Variants in FLNB observed in about 807,000 individuals in gnomAD.
FLNB encodes the protein filamin-B.
FLNB carries 111 observed loss-of-function variants against 250.6 expected under a neutral mutation model. The observed-to-expected ratio is 0.44, with a 90% CI of 0.38 to 0.52. The LOEUF is 0.52. Ranked by LOEUF, FLNB falls within the 20% of genes least tolerant of loss-of-function variation. FLNB has a pLI of 0.00. For synonymous variants in FLNB, 1,302 were observed against 1,372.1 expected (o/e 0.95, Z 1.13); for missense variants, 2,869 against 3,447.8 (o/e 0.83, Z 4.20).
At chr3:58,089,185 C>A (rs966457045) in intron 4 of FLNB, among the ~76,000 whole-genome samples, 1 of 151,814 alleles carries the variant, frequency 6.6e-6, no homozygotes, top group Non-Finnish European at 1.5e-5. Flanking sequence ...TTGATGCCAA[C>A]ACTGAGGTGA....
In FLNB at chr3:58,008,761, A is replaced by G. The variant is rs763897198; in HGVS notation, c.197A>G (p.Tyr66Cys). 1 of 1,614,070 alleles carries G rather than the reference A, an allele frequency of 6.2e-7. No individual in the cohort carries two copies. The highest frequency in any genetic ancestry group is 1.1e-5 in the South Asian group (1 of 91,084). ...VLSQKRMYRK[Y>C]HQRPTFRQMQ... ...AGCCAGAAGCGCATGTACCGCAAGTACCATCAGCGGCCCACCTTTCGCCAG... is the reference window on the plus strand; with the variant it reads ...AGCCAGAAGCGCATGTACCGCAAGTGCCATCAGCGGCCCACCTTTCGCCAG... Residue 66 changes from tyrosine to cysteine, a missense_variant, in exon 1 of 46, where the codon TAC (tyrosine) becomes TGC (cysteine). This residue lies in a region of FLNB where 308 missense variants were observed against 466.1 expected (regional missense o/e 0.66). Coordinates refer to ENST00000295956, the MANE Select transcript of FLNB (RefSeq NM_001457.4).
chr3:58,136,003 G>C lies in FLNB; in HGVS notation c.4696G>C (p.Ala1566Pro). The change falls in exon 28 of 46, where the codon GCC (alanine) becomes CCC (proline). Residue 1566 changes from alanine to proline, a missense_variant. By Grantham distance (27) the Ala-to-Pro change is conservative (BLOSUM62 -1). Around this residue, in one of 5 missense-constraint regions of FLNB, gnomAD observed 126 missense variants for 182.0 expected, o/e 0.69. Coordinates refer to ENST00000295956, the MANE Select transcript of FLNB (RefSeq NM_001457.4). ...GGACCAAGAAGGAAAACCCAAAAGA[G>C]CCATTGTCCATGACAATAAAGATGG... ...ITDQEGKPKR[A>P]IVHDNKDGTY... The C allele has an allele frequency of 6.2e-7, 1 of 1,614,154 alleles. No homozygotes were observed. The highest frequency in any genetic ancestry group is 8.5e-7 in the Non-Finnish European group (1 of 1,180,016).
intron 26 of FLNB, 98 bp from the exon 27 acceptor site, chr3:58,134,518 C>T: frequency 7.1e-7 from 1 of 1,410,786 alleles, no homozygotes; most frequent in African/African-American, 1.4e-5. Context: ...TGTAGAAATC[C>T]CCTTTTCCAT....
intron 5 of FLNB, 37 bp from the exon 6 acceptor site, chr3:58,096,104 G>C (rs769829306): frequency 6.5e-7 from 1 of 1,530,888 alleles, no homozygotes; most frequent in Admixed American, 1.7e-5. Context: ...ACTCACACCC[G>C]GCACCTTTTC....
intron 4 of FLNB, among the ~76,000 whole-genome samples, chr3:58,092,728 C>A (rs1468884496): frequency 6.6e-6 from 1 of 152,148 alleles, no homozygotes; most frequent in Non-Finnish European, 1.5e-5. Flanking sequence ...TGGCATTTAT[C>A]CCAGAGGAAT....
chr3:58,163,658 G>A (rs1361555688), intron 43 of FLNB: 1 of 357,032 alleles, frequency 2.8e-6, no homozygotes, highest in African/African-American at 2.1e-5. Flanking sequence ...TTAATTTTGA[G>A]GGTTTCTTTG....
At position 58,148,319 on chromosome 3, in the gene FLNB, C is replaced by T. The variant is rs775301566; in HGVS notation, c.5842C>T (p.Arg1948Ter). 1.2e-6 allele frequency: 2 copies of T among 1,613,978 alleles called. No homozygotes were observed. Among genetic ancestry groups the T allele is most frequent in the African/African-American group, 1.3e-5 (1 of 75,032 alleles). Reference protein sequence around the residue: ...LTASIKAPSGRDEPCLLKRLP... With the variant: ...LTASIKAPSG The stretch of plus-strand genomic sequence containing the variant: ...GGCCAGCATTAAGGCCCCATCTGGC[C>T]GAGACGAGCCCTGTCTCCTGAAGAG... Residue 1948 changes from arginine to a stop codon, truncating the protein, a stop_gained, in exon 35 of 46, where the codon CGA becomes TGA. Transcript: ENST00000295956. LOFTEE classifies it high-confidence loss of function.
In FLNB at chr3:58,163,252, C is replaced by T. The variant is rs146963572; in HGVS notation, c.7120C>T (p.Arg2374Cys). 1.2e-4 allele frequency: 197 copies of T among 1,614,086 alleles called. 1 individual carries two copies. The highest frequency in any genetic ancestry group is 1.6e-4 in the Non-Finnish European group (187 of 1,180,054). The change falls in exon 43 of 46, where the codon CGC (arginine) becomes TGC (cysteine). Residue 2374 changes from arginine (R) to cysteine (C), a missense_variant. Around this residue, in one of 5 missense-constraint regions of FLNB, gnomAD observed 1,084 missense variants for 1,315.5 expected, o/e 0.82. Transcript: ENST00000295956. ...CGTGGTTGGAAGCCCCTTCAAAGTG[C>T]GCGTTGGGGAGCCTGGACAAGCGGG... ...SHVVGSPFKV[R>C]VGEPGQAGNP... is the part of the protein sequence containing the mutation.
chr3:58,050,789 C>T (rs2097161121), intron 1 of FLNB, among the ~76,000 whole-genome samples: 2 of 152,192 alleles, frequency 1.3e-5, no homozygotes, highest in Admixed American at 1.3e-4. Context: ...GTCCTCTGTG[C>T]CCCCTTCCAC....
chr3:58,009,663 A>G, intron 1 of FLNB, among the ~76,000 whole-genome samples: 1 of 152,104 alleles, frequency 6.6e-6, no homozygotes, highest in Admixed American at 6.5e-5. Flanking sequence ...CCCATTTTAC[A>G]GATAAGGGGG....
intron 17 of FLNB, 68 bp from the exon 18 acceptor site, chr3:58,112,081 C>G (rs2097269757): frequency 5.4e-6 from 8 of 1,489,538 alleles, no homozygotes; most frequent in Non-Finnish European, 7.5e-6. Flanking sequence ...TTGAACCTGT[C>G]TGACGGGTTC....
rs148043654 is a variant in FLNB at position 58,149,979 on chromosome 3, A to G, written c.6221A>G (p.Lys2074Arg). The stretch of plus-strand genomic sequence containing the variant: ...CCTGGGGTTTATATCGTCTCCACCA[A>G]ATTCGCTGACGAGCACGTGCCTGGT... ...TVPGVYIVST[K>R]FADEHVPGSP... The change falls in exon 37 of 46, where the codon AAA becomes AGA. Residue 2074 changes from lysine to arginine, a missense_variant. Coordinates refer to ENST00000295956, the MANE Select transcript of FLNB (RefSeq NM_001457.4). 16 of 1,614,114 alleles carry G rather than the reference A, an allele frequency of 9.9e-6. No homozygotes were observed. Among genetic ancestry groups the G allele is most frequent in the African/African-American group, 9.3e-5 (7 of 74,926 alleles).
Position 58,169,687 on chromosome 3 carries a change from T to G in FLNB, c.7515T>G (p.Ile2505Met). ...CTACAGAGACCTGCTATAGCGCCAT[T>G]CCCAAGGCATCCTCGGACGCCAGCA... is the stretch of plus-strand genomic sequence containing the variant. ...RSSTETCYSA[I>M]PKASSDASKV... Residue 2505 changes from isoleucine to methionine, a missense_variant, in exon 45 of 46, where the codon ATT becomes ATG. By Grantham distance (10) the Ile-to-Met change is conservative (BLOSUM62 1). Coordinates refer to ENST00000295956, the MANE Select transcript of FLNB (RefSeq NM_001457.4). This position sits in a 1 kb window ranked among gnomAD's most constrained non-coding sequence, Gnocchi z 4.8. The G allele has an allele frequency of 6.2e-7, 1 of 1,614,020 alleles. No homozygotes were observed. Among genetic ancestry groups the G allele is most frequent in the Non-Finnish European group, 8.5e-7 (1 of 1,179,966 alleles).
chr3:58,048,297 T>C (rs537279086), intron 1 of FLNB, among the ~76,000 whole-genome samples: 1 of 152,338 alleles, frequency 6.6e-6, no homozygotes, highest in Non-Finnish European at 1.5e-5. Context: ...GAACTGGTGT[T>C]TCTCAAGTGT....
intron 20 of FLNB, 64 bp downstream of exon 20, chr3:58,121,567 C>G (rs1316867710): frequency 5.0e-6 from 8 of 1,594,498 alleles, no homozygotes; most frequent in Non-Finnish European, 6.9e-6. Flanking sequence ...CATAGTCCTT[C>G]TCTGGTTCTT....
At chr3:58,011,282 T>C (rs571814340) in intron 1 of FLNB, among the ~76,000 whole-genome samples, 1 of 152,280 alleles carries the variant, frequency 6.6e-6, no homozygotes, top group Admixed American at 6.5e-5. Context: ...CCAGGGTTAG[T>C]TAGCTTCCCT....
intron 41 of FLNB, among the ~76,000 whole-genome samples, chr3:58,158,636 G>A (rs536373714): frequency 2.0e-5 from 3 of 152,220 alleles, no homozygotes; most frequent in Admixed American, 6.5e-5. Context: ...AAATGCTGCT[G>A]TTCAGGATTG....
chr3:58,023,271 G>A (rs553058539), intron 1 of FLNB, among the ~76,000 whole-genome samples: 62 of 152,012 alleles, frequency 4.1e-4, no homozygotes, highest in Non-Finnish European at 7.7e-4. Flanking sequence ...GCTAATTTTT[G>A]TATTTTTATA....
rs1370107343 is a variant in FLNB, at chr3:58,122,206, T to A, written c.3126+703T>A. On this transcript the variant is annotated intron_variant, in intron 20 of 45. Coordinates refer to ENST00000295956, the MANE Select transcript of FLNB (RefSeq NM_001457.4). ...AAAAAAACCACAAAAAAAAACATTATTCTTGGCTGGGCGCAGCGGCTCACG... is the reference window on the plus strand; with the variant it reads ...AAAAAAACCACAAAAAAAAACATTAATCTTGGCTGGGCGCAGCGGCTCACG... Among the ~76,000 whole-genome samples the A allele has an allele frequency of 2.1e-5, 3 of 145,186 alleles. No individual in the cohort carries two copies. In the East Asian group the frequency reaches 6.2e-4, roughly 30 times the overall value.
Sources: gnomAD v4.1 joint callset for allele counts (sites outside exome capture counted in the v4.1 genomes callset) on GRCh38, gnomAD v4.1.1 for gene constraint, gnomAD v4.1.1 regional missense constraint, Gnocchi (gnomAD v3.1) non-coding constraint, MANE v1.5 for transcripts, NCBI Gene and HGNC (gene_info 2026-07-23, HGNC 2026-07-21) for gene names.